Variants in EPM2A observed in about 807,000 individuals in gnomAD.
The protein encoded by EPM2A is laforin.
EPM2A carries 21 observed loss-of-function variants against 26.5 expected under a neutral mutation model. That is an observed-to-expected ratio of 0.79 (90% CI 0.56 to 1.14). EPM2A has a LOEUF of 1.14. EPM2A is among the 50% of genes most tolerant of loss of function. The pLI is 0.00. For synonymous variants in EPM2A, 217 were observed against 177.6 expected (o/e 1.22, Z -1.76); for missense variants, 458 against 440.8 (o/e 1.04, Z -0.35).
intron 1 of EPM2A, chr6:145,734,877 G>A (rs1776742436): frequency 5.8e-6 from 1 of 172,820 alleles, no homozygotes; most frequent in Non-Finnish European, 1.2e-5. Context: ...CCGTGACGCA[G>A]GCGCGGTTGG....
intron 4 of EPM2A, among the ~76,000 whole-genome samples, chr6:145,411,681 T>C (rs1480094507): frequency 2.0e-5 from 3 of 152,170 alleles, no homozygotes; most frequent in Non-Finnish European, 4.4e-5. Context: ...CCATGGACCA[T>C]TAACCAGCTA....
At chr6:145,672,195 A>G (rs965520015) in intron 2 of EPM2A, among the ~76,000 whole-genome samples, 1 of 152,190 alleles carries the variant, frequency 6.6e-6, no homozygotes, top group Non-Finnish European at 1.5e-5. Flanking sequence ...TTTAATATTT[A>G]TTGAGCTATT....
chr6:145,564,782 G>C (rs1780856889), intron 2 of EPM2A, among the ~76,000 whole-genome samples: 2 of 141,318 alleles, frequency 1.4e-5, no homozygotes, highest in Non-Finnish European at 1.5e-5. Context: ...GTGGGGGGGG[G>C]CAGGGGGTGT....
chr6:145,710,475 G>A lies in EPM2A; in HGVS notation c.302-24179C>T, dbSNP rs551739549. Among the ~76,000 whole-genome samples the A allele has an allele frequency of 2.0e-3, 303 of 152,260 alleles. 1 individual carries two copies. Among genetic ancestry groups the A allele is most frequent in the African/African-American group, 6.8e-3 (281 of 41,562 alleles). ...TCATTAAAAAGTCAGGAAACAACAG[G>A]TGCTGGAGAGGATGTAGAGAAATAG... On this transcript the variant is annotated intron_variant, in intron 1 of 3. Coordinates refer to ENST00000367519, the MANE Select transcript of EPM2A (RefSeq NM_005670.4).
At chr6:145,685,824 G>C (rs944468976) in intron 2 of EPM2A, among the ~76,000 whole-genome samples, 7 of 152,110 alleles carry the variant, frequency 4.6e-5, no homozygotes, top group Admixed American at 2.6e-4. Context: ...GTCTATTTTA[G>C]TGTAGTTCTT....
At chr6:145,617,218 A>C (rs944302972) in intron 2 of EPM2A, among the ~76,000 whole-genome samples, 1 of 152,164 alleles carries the variant, frequency 6.6e-6, no homozygotes, top group African/African-American at 2.4e-5. Context: ...GATGATTTTA[A>C]AAAGGGGAGT....
chr6:145,484,904 T>C (rs1244854548), intron 4 of EPM2A, among the ~76,000 whole-genome samples: 2 of 151,422 alleles, frequency 1.3e-5, no homozygotes, highest in East Asian at 1.9e-4. Flanking sequence ...TACTTAAATA[T>C]ATGGCATAAG....
intron 4 of EPM2A, among the ~76,000 whole-genome samples, chr6:145,414,898 T>C (rs1270401269): frequency 2.0e-5 from 3 of 152,224 alleles, no homozygotes; most frequent in African/African-American, 7.2e-5. Flanking sequence ...AAAGTTCTAT[T>C]GTGGCTTCTA....
Position 145,693,095 on chromosome 6 carries a change from G to C in EPM2A, c.302-6799C>G, listed in dbSNP as rs180990289. Among the ~76,000 whole-genome samples the C allele has an allele frequency of 1.7e-3, 260 of 152,042 alleles. 1 individual carries two copies. The highest frequency in any genetic ancestry group is 6.1e-3 in the African/African-American group (255 of 41,524). On this transcript the variant is annotated intron_variant, in intron 1 of 3. Coordinates refer to ENST00000367519, the MANE Select transcript of EPM2A (RefSeq NM_005670.4). ...GTGTCATCCCTGACTCCTTTGATCA[G>C]TATTTTACAATTCTTGTTGCAGAAT...
intron 1 of EPM2A, among the ~76,000 whole-genome samples, chr6:145,726,667 T>C (rs1776221769): frequency 6.6e-6 from 1 of 152,100 alleles, no homozygotes; most frequent in African/African-American, 2.4e-5. Flanking sequence ...AGTCTAATGA[T>C]GAGAAAGAAA....
chr6:145,518,975 C>T (rs887717878), intron 2 of EPM2A, among the ~76,000 whole-genome samples: 4 of 152,126 alleles, frequency 2.6e-5, no homozygotes, highest in African/African-American at 9.7e-5. Context: ...GAGTCCAAAA[C>T]CATAGCAAAA....
chr6:145,679,654 T>C (rs936605630), intron 2 of EPM2A, among the ~76,000 whole-genome samples: 7 of 152,142 alleles, frequency 4.6e-5, no homozygotes, highest in African/African-American at 1.4e-4. Context: ...ATGGATAAAA[T>C]GGACCCATAC....
At chr6:145,675,920 C>T (rs533424235) in intron 2 of EPM2A, among the ~76,000 whole-genome samples, 38 of 152,268 alleles carry the variant, frequency 2.5e-4, no homozygotes, top group African/African-American at 8.4e-4. Flanking sequence ...CTCACCTCTG[C>T]ACCAAGCAGA....
chr6:145,709,587 T>C (rs1782425755), intron 1 of EPM2A, among the ~76,000 whole-genome samples: 1 of 152,208 alleles, frequency 6.6e-6, no homozygotes, highest in East Asian at 1.9e-4. Context: ...CTCTTTTCTT[T>C]ATAAATTACC....
intron 4 of EPM2A, among the ~76,000 whole-genome samples, chr6:145,466,308 C>G (rs894688765): frequency 2.0e-5 from 3 of 151,758 alleles, no homozygotes; most frequent in Non-Finnish European, 4.4e-5. Flanking sequence ...AAAAAACAAA[C>G]AACCCCATCA....
chr6:145,673,732 C>T (rs1040678098), intron 2 of EPM2A, among the ~76,000 whole-genome samples: 7 of 152,038 alleles, frequency 4.6e-5, no homozygotes, highest in South Asian at 2.1e-4. Context: ...GAGGGGAGGG[C>T]GTCTGCTATT....
chr6:145,577,421 C>A (rs1781047020), intron 2 of EPM2A, among the ~76,000 whole-genome samples: 1 of 149,636 alleles, frequency 6.7e-6, no homozygotes, highest in Admixed American at 6.6e-5. Context: ...AAATAGATTT[C>A]AAGACAAAAA....
intron 4 of EPM2A, among the ~76,000 whole-genome samples, chr6:145,486,258 A>T (rs1422326726): frequency 6.6e-6 from 1 of 152,190 alleles, no homozygotes; most frequent in Non-Finnish European, 1.5e-5. Flanking sequence ...CTTCTCAGGT[A>T]CTTGAGGTGG....
At chr6:145,602,919 CCACG>C (rs1201925910) in intron 2 of EPM2A, among the ~76,000 whole-genome samples, 2 of 152,272 alleles carry the variant, frequency 1.3e-5, no homozygotes, top group Non-Finnish European at 2.9e-5. Context: ...TGGAAGGAAT[CCACG>C]CAAGTCAGCA....
Sources: gnomAD v4.1 joint callset for allele counts (sites outside exome capture counted in the v4.1 genomes callset) on GRCh38, gnomAD v4.1.1 for gene constraint, MANE v1.5 for transcripts, NCBI Gene and HGNC (gene_info 2026-07-23, HGNC 2026-07-21) for gene names.